CACNA1E: variants seen among roughly 807,000 people sequenced by gnomAD.
CACNA1E encodes the protein calcium voltage-gated channel subunit alpha1 E.
A neutral mutation model predicts 259.2 loss-of-function variants in CACNA1E; 40 were observed. The observed-to-expected ratio is 0.15, with a 90% CI of 0.12 to 0.20. The LOEUF (loss-of-function observed/expected upper bound fraction) is 0.20, where lower values mean the gene tolerates loss of function less well. Ranked by LOEUF, CACNA1E falls within the 10% of genes least tolerant of loss-of-function variation. The pLI is 1.00. For synonymous variants in CACNA1E, 1,104 were observed against 1,138.5 expected (o/e 0.97, Z 0.61); for missense variants, 1,874 against 3,040.1 (o/e 0.62, Z 9.02).
chr1:181,611,866 T>C (rs1654782105), intron 6 of CACNA1E, among the ~76,000 whole-genome samples: 1 of 152,240 alleles, frequency 6.6e-6, no homozygotes, highest in African/African-American at 2.4e-5. Context: ...ATGATCATTC[T>C]AGTATGCAAC....
intron 3 of CACNA1E, among the ~76,000 whole-genome samples, chr1:181,534,827 A>C (rs1175153885): frequency 2.0e-5 from 3 of 152,198 alleles, no homozygotes; most frequent in African/African-American, 4.8e-5. Flanking sequence ...ACTTAATAGC[A>C]ATTGAAACAA....
At chr1:181,651,045 C>T (rs754304512) in intron 6 of CACNA1E, among the ~76,000 whole-genome samples, 14 of 152,300 alleles carry the variant, frequency 9.2e-5, no homozygotes, top group East Asian at 1.9e-4. Context: ...TGGTTGTTTG[C>T]GTGACCTTGG....
At chr1:181,709,512 C>A (rs1391853981) in intron 7 of CACNA1E, among the ~76,000 whole-genome samples, 1 of 152,202 alleles carries the variant, frequency 6.6e-6, no homozygotes, top group Admixed American at 6.5e-5. Context: ...GGCGTCTTCC[C>A]TTTCCCTGCA....
Position 181,567,400 on chromosome 1 carries a change from A to C in CACNA1E, c.513-10366A>C, listed in dbSNP as rs577959831. On this transcript the variant is annotated intron_variant, in intron 3 of 47. Coordinates refer to ENST00000367573, the MANE Select transcript of CACNA1E (RefSeq NM_001205293.3). ...AAAGTCTGTGCTCCAGTTTGGCCAT[A>C]AATTAACTCAGAGCCATATGTATTG... Among the ~76,000 whole-genome samples, 78 of 152,306 alleles carry C rather than the reference A, an allele frequency of 5.1e-4. 1 individual carries two copies. The highest frequency in any genetic ancestry group is 1.9e-3 in the African/African-American group (77 of 41,568).
At chr1:181,587,880 C>T (rs1652239974) in intron 6 of CACNA1E, among the ~76,000 whole-genome samples, 1 of 152,042 alleles carries the variant, frequency 6.6e-6, no homozygotes, top group South Asian at 2.1e-4. Flanking sequence ...GAGACTCCGT[C>T]TCAAGAAAAA....
chr1:181,531,832 A>G (rs1327803422), intron 3 of CACNA1E, among the ~76,000 whole-genome samples: 1 of 152,228 alleles, frequency 6.6e-6, no homozygotes, highest in Non-Finnish European at 1.5e-5. Context: ...AGGCGGGTCC[A>G]TCACCTGAGG....
Position 181,558,568 on chromosome 1 carries a change from C to T in CACNA1E, c.513-19198C>T, listed in dbSNP as rs146399604. On this transcript the variant is annotated intron_variant, in intron 3 of 47. Coordinates refer to ENST00000367573, the MANE Select transcript of CACNA1E (RefSeq NM_001205293.3). Reference sequence around the variant, plus strand: ...AAACCTAGCCAGGGTGAGGTGCATGCGAGAGCCCTGAAATGTGAAAGCTGG... The same window carrying T: ...AAACCTAGCCAGGGTGAGGTGCATGTGAGAGCCCTGAAATGTGAAAGCTGG... Among the ~76,000 whole-genome samples the T allele has an allele frequency of 1.1e-4, 16 of 152,248 alleles. No homozygotes were observed. In the East Asian group the frequency reaches 2.5e-3, roughly 24 times the overall value.
chr1:181,449,714 C>G (rs1011090994), intron 2 of CACNA1E, among the ~76,000 whole-genome samples: 5 of 152,198 alleles, frequency 3.3e-5, no homozygotes, highest in Non-Finnish European at 7.3e-5. Context: ...TGCCTATCCA[C>G]AGATGACCTT....
intron 43 of CACNA1E, among the ~76,000 whole-genome samples, chr1:181,788,162 T>C (rs1328115824): frequency 6.6e-6 from 1 of 152,126 alleles, no homozygotes; most frequent in East Asian, 1.9e-4. Context: ...TGTGAGAAAT[T>C]TGGTAGATAA....
chr1:181,749,219 CCTT>C (rs1657374340), intron 25 of CACNA1E, among the ~76,000 whole-genome samples: 2 of 152,184 alleles, frequency 1.3e-5, no homozygotes, highest in African/African-American at 4.8e-5. Context: ...AAAAAAGTAA[CCTT>C]CATCACAATG....
At chr1:181,375,747 G>A (rs568515524) in intron 1 of CACNA1E, among the ~76,000 whole-genome samples, 13 of 152,204 alleles carry the variant, frequency 8.5e-5, no homozygotes, top group African/African-American at 2.2e-4. Flanking sequence ...CCCCTCCTCC[G>A]TGAGGGATTT....
intron 7 of CACNA1E, among the ~76,000 whole-genome samples, chr1:181,710,563 A>G (rs531710746): frequency 6.3e-4 from 94 of 150,042 alleles, no homozygotes; most frequent in South Asian, 3.4e-3. Context: ...TGGTCAATAT[A>G]CGTTAATCAC....
chr1:181,413,106 C>T (rs1657986525), intron 1 of CACNA1E: 1 of 153,204 alleles, frequency 6.5e-6, no homozygotes, highest in South Asian at 2.1e-4. Context: ...TTCCCCACTC[C>T]TTGTCTCTGC....
intron 2 of CACNA1E, among the ~76,000 whole-genome samples, chr1:181,463,214 T>A (rs147734102): frequency 1.3e-5 from 2 of 152,150 alleles, no homozygotes; most frequent in Admixed American, 1.3e-4. Flanking sequence ...AAGAGATGAA[T>A]AATAACTATT....
At chr1:181,489,647 A>G (rs1018545521) in intron 1 of CACNA1E, among the ~76,000 whole-genome samples, 6 of 152,224 alleles carry the variant, frequency 3.9e-5, no homozygotes, top group African/African-American at 7.2e-5. Flanking sequence ...AGTGGAAGGT[A>G]CGTGTCACTC....
chr1:181,336,988 T>A lies in CACNA1E; in HGVS notation c.-15+18865T>A, dbSNP rs976192352. On this transcript the variant is annotated intron_variant, in intron 1 of 11. Coordinates refer to the CACNA1E transcript ENST00000524607. ...TTAAAATATATAATATAGATATTTA[T>A]ATATCTATATTTATTTTAATTTTCT... Among the ~76,000 whole-genome samples the A allele has an allele frequency of 3.4e-4, 50 of 148,772 alleles. 1 individual carries two copies. Among genetic ancestry groups the A allele is most frequent in the Admixed American group, 2.2e-3 (33 of 14,874 alleles).
chr1:181,653,350 C>G (rs758574190), intron 7 of CACNA1E, among the ~76,000 whole-genome samples: 2 of 152,060 alleles, frequency 1.3e-5, no homozygotes, highest in East Asian at 1.9e-4. Flanking sequence ...ATGATTGTCA[C>G]GAGACCTGAT....
At chr1:181,448,972 T>G (rs1207398859) in intron 2 of CACNA1E, among the ~76,000 whole-genome samples, 1 of 152,202 alleles carries the variant, frequency 6.6e-6, no homozygotes, top group Non-Finnish European at 1.5e-5. Flanking sequence ...GGAGTGGCTG[T>G]GCCAACTCAG....
At chr1:181,469,925 T>C (rs1227506011) in intron 2 of CACNA1E, among the ~76,000 whole-genome samples, 4 of 152,158 alleles carry the variant, frequency 2.6e-5, no homozygotes, top group Non-Finnish European at 5.9e-5. Flanking sequence ...TGAGCCACCT[T>C]ATCATGTTAT....
Sources: allele counts gnomAD v4.1 joint callset (sites outside exome capture counted in the v4.1 genomes callset), GRCh38; gene constraint gnomAD v4.1.1; transcripts MANE v1.5; gene names NCBI Gene and HGNC (gene_info 2026-07-23, HGNC 2026-07-21).